Variants in PLXNB2 observed in about 807,000 individuals in gnomAD.
PLXNB2 encodes plexin B2.
PLXNB2 carries 85 observed loss-of-function variants against 202.6 expected under a neutral mutation model. The observed-to-expected ratio is 0.42, with a 90% CI of 0.35 to 0.50. The LOEUF (loss-of-function observed/expected upper bound fraction) is 0.50, where lower values mean the gene tolerates loss of function less well. PLXNB2 is among the 20% of genes least tolerant of loss of function. PLXNB2 has a pLI of 0.02. For missense variants in PLXNB2, 2,063 were observed against 2,586.2 expected, an observed-to-expected ratio of 0.80 and a Z score of 4.39; for synonymous variants, 1,239 against 1,137.6, an observed-to-expected ratio of 1.09 and a Z score of -1.79.
intron 1 of PLXNB2, among the ~76,000 whole-genome samples, chr22:50,295,911 G>A (rs1221171611): frequency 2.0e-5 from 3 of 152,110 alleles, no homozygotes; most frequent in African/African-American, 4.8e-5. Flanking sequence ...AGACCAGCCT[G>A]ACCAACATGG....
rs1474653520 is a variant in PLXNB2, at chr22:50,290,456, T to C, written c.129A>G (p.Ser43=). The C allele has an allele frequency of 6.2e-7, 1 of 1,612,786 alleles. No individual in the cohort carries two copies. The highest frequency in any genetic ancestry group is 8.5e-7 in the Non-Finnish European group (1 of 1,179,996). The change falls in exon 3 of 37, where the codon TCA becomes TCG. Residue 43 remains serine, a synonymous_variant. Coordinates refer to ENST00000359337, the MANE Select transcript of PLXNB2 (RefSeq NM_012401.4). Reference sequence around the variant, plus strand: ...TCACCGCCCCCAGGTACACCACGCCTGAGGCCTCATCCACAGCCAGGTGGT... The same window carrying C: ...TCACCGCCCCCAGGTACACCACGCCCGAGGCCTCATCCACAGCCAGGTGGT... The part of the protein sequence containing the change: ...ELNHLAVDEA[S]GVVYLGAVNA...
chr22:50,305,102 G>A (rs1601787435), intron 1 of PLXNB2, among the ~76,000 whole-genome samples: 5 of 152,342 alleles, frequency 3.3e-5, no homozygotes, highest in African/African-American at 9.6e-5. Context: ...ATGAGGGGCC[G>A]GAAGACACAG....
intron 16 of PLXNB2, 74 bp downstream of exon 16, chr22:50,283,263 G>T: frequency 6.2e-7 from 1 of 1,606,536 alleles, no homozygotes; most frequent in East Asian, 2.2e-5. Context: ...GGTAACTGTC[G>T]TGGGGAGGCG....
chr22:50,276,988 G>A, intron 33 of PLXNB2, 82 bp from the exon 34 acceptor site: 5 of 960,152 alleles, frequency 5.2e-6, no homozygotes, highest in South Asian at 1.4e-5. Context: ...AGCTTCCCCT[G>A]CCCCGAACTC....
At position 50,282,741 on chromosome 22, in the gene PLXNB2, C is replaced by T. The variant is rs201068347; in HGVS notation, c.2957G>A (p.Arg986Gln). The T allele has an allele frequency of 1.5e-4, 234 of 1,559,366 alleles. No individual in the cohort carries two copies. In the African/African-American group the frequency reaches 2.7e-3, roughly 18 times the overall value. ...FFTYRENPVL[R>Q]AFEPLRSFAS... Reference sequence around the variant, plus strand: ...AAAGCTTCGTAGCGGCTCGAAGGCTCGCAGTACGGGGTTTTCGCGGTAGGT... The same window carrying T: ...AAAGCTTCGTAGCGGCTCGAAGGCTTGCAGTACGGGGTTTTCGCGGTAGGT... The change falls in exon 18 of 37, where the codon CGA becomes CAA. Residue 986 changes from arginine (R) to glutamine (Q), a missense_variant. Arg to Gln is a conservative substitution (Grantham distance 43). Transcript: ENST00000359337.
At position 50,283,959 on chromosome 22, in the gene PLXNB2, G is replaced by A. The variant is rs538514666; in HGVS notation, c.2295C>T (p.Ser765=). 45 of 1,552,198 alleles carry A rather than the reference G, an allele frequency of 2.9e-5. No homozygotes were observed. Among genetic ancestry groups the A allele is most frequent in the South Asian group, 2.2e-4 (19 of 84,988 alleles). ...VTLYNCSFGR[S]DCSLCRAANP... ...TAGCGGCCCGGCACAGGCTGCAGTCGCTGCGGCCAAAGGAGCAGTTGTAGA... is the reference window on the plus strand; with the variant it reads ...TAGCGGCCCGGCACAGGCTGCAGTCACTGCGGCCAAAGGAGCAGTTGTAGA... The change falls in exon 14 of 37, where the codon AGC becomes AGT. Residue 765 remains serine, a synonymous_variant. Coordinates refer to ENST00000359337, the MANE Select transcript of PLXNB2 (RefSeq NM_012401.4).
intron 18 of PLXNB2, 42 bp from the exon 19 acceptor site, chr22:50,282,355 G>A (rs1371644588): frequency 4.0e-5 from 63 of 1,561,058 alleles, no homozygotes; most frequent in Non-Finnish European, 5.0e-5. Context: ...TGGCAGGGGT[G>A]GTCCCTGCAG....
At position 50,283,176 on chromosome 22, in the gene PLXNB2, G is replaced by A; in HGVS notation, c.2690C>T (p.Pro897Leu). Residue 897 changes from proline to leucine, a missense_variant, in exon 17 of 37, where the codon CCT becomes CTT. Physicochemically the swap from Pro to Leu is moderately conservative, Grantham distance 98 (BLOSUM62 -3). Coordinates refer to ENST00000359337, the MANE Select transcript of PLXNB2 (RefSeq NM_012401.4). ...NVQFTFQQPK[P>L]LSVEPQQGPQ... ...TCCCTGCTGCGGCTCCACACTGAGA[G>A]GCTTGGGCTGCTGAAAGAGCCGCAG... 6.3e-7 allele frequency: 1 copy of A among 1,599,222 alleles called. No homozygotes were observed. Among genetic ancestry groups the A allele is most frequent in the Non-Finnish European group, 8.5e-7 (1 of 1,174,428 alleles).
At chr22:50,296,460 G>C (rs2067277709) in intron 1 of PLXNB2, among the ~76,000 whole-genome samples, 1 of 150,878 alleles carries the variant, frequency 6.6e-6, no homozygotes, top group Non-Finnish European at 1.5e-5. Flanking sequence ...AAGAAGCTGA[G>C]CCAGGCACGG....
In PLXNB2 at chr22:50,291,695, G is replaced by T. The variant is rs1176923744; in HGVS notation, c.-13-1098C>A. 6.6e-6 allele frequency among the ~76,000 whole-genome samples: 1 copy of T among 152,038 alleles called. No homozygotes were observed. The highest frequency in any genetic ancestry group is 1.5e-5 in the Non-Finnish European group (1 of 67,966). Reference sequence around the variant, plus strand: ...GGGTGGTCCGTCCCTCTCACGCTAGGGACCCTGCTCCATCCTGGCCAGTGA... The same window carrying T: ...GGGTGGTCCGTCCCTCTCACGCTAGTGACCCTGCTCCATCCTGGCCAGTGA... On this transcript the variant is annotated intron_variant, in intron 2 of 36. Coordinates refer to ENST00000359337, the MANE Select transcript of PLXNB2 (RefSeq NM_012401.4). The surrounding 1 kb of genome is among the most constrained non-coding windows in gnomAD (Gnocchi z 4.3).
chr22:50,296,422 A>G (rs2067275275), intron 1 of PLXNB2, among the ~76,000 whole-genome samples: 1 of 146,024 alleles, frequency 6.8e-6, no homozygotes, highest in South Asian at 2.1e-4. Context: ...CAAGTTTAAG[A>G]TTATATTTAC....
rs1449546399 is a variant in PLXNB2 at position 50,280,914 on chromosome 22, G to A, written c.3823C>T (p.Leu1275=). The change falls in exon 24 of 37, where the codon CTG becomes TTG. Residue 1275 remains leucine, a synonymous_variant. Transcript: ENST00000359337. ...CGGTCGGTGTAGGTCTTGTAGTCCA[G>A]CACGGGGATGCCGGCCTCGTGCACG... The part of the protein sequence containing the change: ...NDVHEAGIPV[L]DYKTYTDRVF... The A allele has an allele frequency of 9.9e-6, 16 of 1,613,226 alleles. No homozygotes were observed. The highest frequency in any genetic ancestry group is 1.4e-5 in the Non-Finnish European group (16 of 1,179,896).
chr22:50,307,505 C>G (rs899791761), intron 1 of PLXNB2, 48 bp downstream of exon 1: 17 of 936,574 alleles, frequency 1.8e-5, no homozygotes, highest in Non-Finnish European at 2.0e-5. Flanking sequence ...AAGCCCCCCC[C>G]ACGCCCAGCG....
At chr22:50,306,802 C>T (rs1227622444) in intron 1 of PLXNB2, among the ~76,000 whole-genome samples, 1 of 152,198 alleles carries the variant, frequency 6.6e-6, no homozygotes, top group Non-Finnish European at 1.5e-5. Flanking sequence ...CAGGGAGCTT[C>T]GGGAAGAGAA....
intron 35 of PLXNB2, 110 bp from the exon 36 acceptor site, chr22:50,276,073 G>C: frequency 9.9e-7 from 1 of 1,012,774 alleles, no homozygotes; most frequent in Non-Finnish European, 1.5e-6. Flanking sequence ...AGCAGCTGGG[G>C]CCTTGGGCAC....
Position 50,278,683 on chromosome 22 carries a change from G to C in PLXNB2, c.4560C>G (p.Gly1520=). ...PDSVVLEWRP[G]STAQILSDLD... The stretch of plus-strand genomic sequence containing the variant: ...GGTCCGACAGGATCTGCGCTGTGGA[G>C]CCCGGACGCCACTCTGTGGGAAGAG... Residue 1520 remains glycine (G), a synonymous_variant, in exon 29 of 37, where the codon GGC becomes GGG. Coordinates refer to ENST00000359337, the MANE Select transcript of PLXNB2 (RefSeq NM_012401.4). The C allele has an allele frequency of 6.2e-7, 1 of 1,611,130 alleles. No individual in the cohort carries two copies.
rs747914479 is a variant in PLXNB2 at position 50,288,748 on chromosome 22, C to T, written c.1375G>A (p.Asp459Asn). 1 of 1,612,958 alleles carries T rather than the reference C, an allele frequency of 6.2e-7. No individual in the cohort carries two copies. The highest frequency in any genetic ancestry group is 8.5e-7 in the Non-Finnish European group (1 of 1,179,950). ...DLGSLYAMTQ[D>N]KVFRLPVQEC... ...CGGGGCTGCGTCTGGCTCACCTTGT[C>T]CTGGGTCATGGCGTACAGGCTGCCC... is the stretch of plus-strand genomic sequence containing the variant. The change falls in exon 5 of 37, where the codon GAC (aspartate) becomes AAC (asparagine). Residue 459 changes from aspartate to asparagine, a missense_variant. This residue lies in a region of PLXNB2 where 1,303 missense variants were observed against 1,476.8 expected (regional missense o/e 0.88). Coordinates refer to ENST00000359337, the MANE Select transcript of PLXNB2 (RefSeq NM_012401.4). This position sits in a 1 kb window ranked among gnomAD's most constrained non-coding sequence, Gnocchi z 5.0.
Position 50,295,418 on chromosome 22 carries a change from C to T in PLXNB2, c.-73-640G>A, listed in dbSNP as rs189413520. Among the ~76,000 whole-genome samples, 237 of 152,232 alleles carry T rather than the reference C, an allele frequency of 1.6e-3. 5 individuals are homozygous for T. The highest frequency in any genetic ancestry group is 4.2e-3 in the East Asian group (22 of 5,188). On this transcript the variant is annotated intron_variant, in intron 1 of 36. Coordinates refer to ENST00000359337, the MANE Select transcript of PLXNB2 (RefSeq NM_012401.4). Reference sequence around the variant, plus strand: ...GGCAAGTTACTTAACTTCTCTGTGCCTCATTCTCCATCTGTGGAATGGAGA... The same window carrying T: ...GGCAAGTTACTTAACTTCTCTGTGCTTCATTCTCCATCTGTGGAATGGAGA...
chr22:50,307,317 G>C (rs2067924186), intron 1 of PLXNB2, among the ~76,000 whole-genome samples: 1 of 151,088 alleles, frequency 6.6e-6, no homozygotes, highest in Admixed American at 6.6e-5. Flanking sequence ...CGCAGCCCCC[G>C]CCGCCGGGCC....
Sources: gnomAD v4.1 joint callset for allele counts (sites outside exome capture counted in the v4.1 genomes callset) on GRCh38, gnomAD v4.1.1 for gene constraint, gnomAD v4.1.1 regional missense constraint, Gnocchi (gnomAD v3.1) non-coding constraint, MANE v1.5 for transcripts, NCBI Gene and HGNC (gene_info 2026-07-23, HGNC 2026-07-21) for gene names.